ZNF678: variants seen among roughly 807,000 people sequenced by gnomAD.
ZNF678 encodes zinc finger protein 678, also known as hypothetical protein MGC42493.
A neutral mutation model predicts 3.0 loss-of-function variants in ZNF678; 5 were observed. That is an observed-to-expected ratio of 1.69 (90% confidence interval 0.88 to 3.56). The LOEUF (loss-of-function observed/expected upper bound fraction) is 3.56. Ranked by LOEUF, ZNF678 falls within the 30% of genes most tolerant of loss-of-function variation. The pLI is 0.00. For missense variants in ZNF678, 593 were observed against 605.0 expected (o/e 0.98, Z 0.21); for synonymous variants, 218 against 199.6 (o/e 1.09, Z -0.78).
Position 227,621,928 on chromosome 1 carries a change from C to T in ZNF678, c.-163-24616C>T, listed in dbSNP as rs57403170. On this transcript the variant is annotated intron_variant, in intron 1 of 3. Transcript: ENST00000343776. ...ACAGACTCTGTAGCAATAGCACGTC[C>T]AATTCTAACCTAATTCTGGTATAGC... Among the ~76,000 whole-genome samples, 596 of 152,266 alleles carry T rather than the reference C, an allele frequency of 3.9e-3. 6 individuals carry two copies. Among genetic ancestry groups the T allele is most frequent in the African/African-American group, 0.014 (563 of 41,550 alleles).
At chr1:227,640,694 C>CA (rs1325897466) in intron 1 of ZNF678, among the ~76,000 whole-genome samples, 1 of 151,876 alleles carries the variant, frequency 6.6e-6, no homozygotes, top group Non-Finnish European at 1.5e-5. Flanking sequence ...GGCTGTATCG[C>CA]AAAAAAAGAC....
rs768863716 is a variant in ZNF678 at position 227,654,605 on chromosome 1, C to T, written c.355C>T (p.His119Tyr). ...RSILTEHKRI[H>Y]TGEKPYKCEE... ...AATCCTTACTGAACATAAGAGAATT[C>T]ATACTGGAGAGAAGCCATACAAATG... Residue 119 changes from histidine (H) to tyrosine (Y), a missense_variant, in exon 4 of 4, where the codon CAT (histidine) becomes TAT (tyrosine). Physicochemically the swap from His to Tyr is moderately conservative, Grantham distance 83. Transcript: ENST00000343776. The T allele has an allele frequency of 1.2e-6, 2 of 1,613,026 alleles. No homozygotes were observed. Among genetic ancestry groups the T allele is most frequent in the South Asian group, 1.1e-5 (1 of 91,060 alleles).
downstream of ZNF678, among the ~76,000 whole-genome samples, chr1:227,679,123 TCA>T (rs1416483045): frequency 6.6e-6 from 1 of 150,772 alleles, no homozygotes; most frequent in Non-Finnish European, 1.5e-5. Context: ...CTAGAACAAT[TCA>T]AGGACCAAAA....
intron 1 of ZNF678, among the ~76,000 whole-genome samples, chr1:227,570,465 C>G (rs1358702304): frequency 6.6e-6 from 1 of 152,180 alleles, no homozygotes; most frequent in Non-Finnish European, 1.5e-5. Context: ...GGCCTGTCTT[C>G]TCAAAGTGAC....
downstream of ZNF678, among the ~76,000 whole-genome samples, chr1:227,662,861 G>T (rs1304682869): frequency 6.6e-6 from 1 of 152,138 alleles, no homozygotes; most frequent in Non-Finnish European, 1.5e-5. Context: ...ACCCCTTTCT[G>T]CAGGTGATTA....
In ZNF678 at chr1:227,654,665, A is replaced by T. The variant is rs374081701; in HGVS notation, c.415A>T (p.Asn139Tyr). The T allele has an allele frequency of 1.1e-5, 17 of 1,612,938 alleles. No homozygotes were observed. Among genetic ancestry groups the T allele is most frequent in the Non-Finnish European group, 1.4e-5 (17 of 1,179,440 alleles). The stretch of plus-strand genomic sequence containing the variant: ...TGGCAAAGTTTTCAATCGATGTTCA[A>T]ACCTAACAAAACATAAAAGAATTCA... ...ECGKVFNRCS[N>Y]LTKHKRIHTG... Residue 139 changes from asparagine to tyrosine, a missense_variant, in exon 4 of 4, where the codon AAC becomes TAC. Coordinates refer to ENST00000343776, the MANE Select transcript of ZNF678 (RefSeq NM_001367909.1).
intron 1 of ZNF678, among the ~76,000 whole-genome samples, chr1:227,592,623 A>G (rs185802969): frequency 1.1e-4 from 16 of 152,378 alleles, no homozygotes; most frequent in Non-Finnish European, 1.6e-4. Flanking sequence ...CATTTTTATT[A>G]ACTGTCACCC....
chr1:227,607,192 A>C (rs1252049287), intron 1 of ZNF678, among the ~76,000 whole-genome samples: 1 of 152,118 alleles, frequency 6.6e-6, no homozygotes, highest in Non-Finnish European at 1.5e-5. Context: ...TTGTTTTTAT[A>C]ATTTTTGTCT....
intron 1 of ZNF678, among the ~76,000 whole-genome samples, chr1:227,633,052 C>G (rs775847997): frequency 6.6e-6 from 1 of 152,120 alleles, no homozygotes; most frequent in Non-Finnish European, 1.5e-5. Context: ...GGAACAATGA[C>G]AAGACTCTAG....
chr1:227,596,315 A>C (rs1320278383), intron 1 of ZNF678, among the ~76,000 whole-genome samples: 1 of 152,216 alleles, frequency 6.6e-6, no homozygotes, highest in Non-Finnish European at 1.5e-5. Flanking sequence ...CACTGAGTTA[A>C]AGAAGGAAGA....
chr1:227,610,543 A>G (rs1490706314), intron 1 of ZNF678, among the ~76,000 whole-genome samples: 1 of 152,176 alleles, frequency 6.6e-6, no homozygotes, highest in Non-Finnish European at 1.5e-5. Context: ...GACTTGGAGG[A>G]GAACAAGCCT....
chr1:227,573,359 GA>G (rs1367807060), intron 1 of ZNF678, among the ~76,000 whole-genome samples: 1 of 152,184 alleles, frequency 6.6e-6, no homozygotes, highest in African/African-American at 2.4e-5. Context: ...ATTATATTGG[GA>G]AGAGTGCGGC....
At chr1:227,610,425 G>A (rs537294834) in intron 1 of ZNF678, among the ~76,000 whole-genome samples, 1 of 152,272 alleles carries the variant, frequency 6.6e-6, no homozygotes, top group East Asian at 1.9e-4. Flanking sequence ...CCGGAAGTGT[G>A]TGCCCTAAAA....
intron 1 of ZNF678, among the ~76,000 whole-genome samples, chr1:227,603,272 G>T (rs1657781124): frequency 6.6e-6 from 1 of 152,178 alleles, no homozygotes; most frequent in African/African-American, 2.4e-5. Context: ...GAGGAATCAG[G>T]TACAATCCCT....
At chr1:227,631,536 G>C (rs778824047) in intron 1 of ZNF678, among the ~76,000 whole-genome samples, 2 of 152,186 alleles carry the variant, frequency 1.3e-5, no homozygotes, top group Non-Finnish European at 2.9e-5. Context: ...GTAACCTTTT[G>C]AGTCAGGATT....
At chr1:227,615,090 T>C (rs1323375337) in intron 1 of ZNF678, among the ~76,000 whole-genome samples, 1 of 152,220 alleles carries the variant, frequency 6.6e-6, no homozygotes, top group Admixed American at 6.5e-5. Flanking sequence ...TCTTAATTAT[T>C]AGTTACAGCT....
At chr1:227,595,670 A>G (rs536431698) in intron 1 of ZNF678, among the ~76,000 whole-genome samples, 2 of 152,316 alleles carry the variant, frequency 1.3e-5, no homozygotes, top group South Asian at 4.1e-4. Context: ...TAAAAAGGGC[A>G]CACACACACT....
rs181430229 is a variant in ZNF678, at chr1:227,578,283, C to G, written c.-164+14559C>G. On this transcript the variant is annotated intron_variant, in intron 1 of 3. Transcript: ENST00000343776. Reference sequence around the variant, plus strand: ...ATTTTTTGAATTTGAATGTTGGCCTCTCTAGCTATGTTGGGAAAGTTCTCG... The same window carrying G: ...ATTTTTTGAATTTGAATGTTGGCCTGTCTAGCTATGTTGGGAAAGTTCTCG... Among the ~76,000 whole-genome samples the G allele has an allele frequency of 4.0e-3, 614 of 152,268 alleles. 5 individuals carry two copies. Among genetic ancestry groups the G allele is most frequent in the African/African-American group, 0.014 (566 of 41,552 alleles).
intron 1 of ZNF678, among the ~76,000 whole-genome samples, chr1:227,626,010 C>T (rs1459894829): frequency 6.6e-5 from 10 of 152,098 alleles, no homozygotes; most frequent in South Asian, 6.2e-4. Flanking sequence ...AACTCCTATA[C>T]GATGGGGCAT....
Sources: allele counts gnomAD v4.1 joint callset (sites outside exome capture counted in the v4.1 genomes callset), GRCh38; gene constraint gnomAD v4.1.1; transcripts MANE v1.5; gene names NCBI Gene and HGNC (gene_info 2026-07-23, HGNC 2026-07-21).